The following GALNT13 variants were observed in gnomAD, a reference collection of about 807,000 sequenced individuals.
GALNT13 encodes UDP-GalNAc:polypeptide N-acetylgalactosaminyltransferase 13.
In GALNT13, 28 loss-of-function variants were observed where a neutral mutation model predicts 64.2. That is an observed-to-expected ratio of 0.44 (90% CI 0.32 to 0.60). The LOEUF (loss-of-function observed/expected upper bound fraction) is 0.60, where lower values mean the gene tolerates loss of function less well. GALNT13 is among the 20% of genes least tolerant of loss of function. The pLI is 0.05. For missense variants in GALNT13, 577 were observed against 669.8 expected, an observed-to-expected ratio of 0.86 and a Z score of 1.53; for synonymous variants, 214 against 224.6, an observed-to-expected ratio of 0.95 and a Z score of 0.42.
At chr2:153,534,518 C>CTTTTTTTTTTTTTT in the GALNT13 span, among the ~76,000 whole-genome samples, 1 of 123,776 alleles carries the variant, frequency 8.1e-6, no homozygotes, top group Non-Finnish European at 1.6e-5. Flanking sequence ...GCCCCTCTTT[C>CTTTTTTTTTTTTTT]TTTCTTTCTT....
At chr2:153,958,485 G>C (rs1355169534) in intron 3 of GALNT13, among the ~76,000 whole-genome samples, 1 of 152,042 alleles carries the variant, frequency 6.6e-6, no homozygotes, top group Non-Finnish European at 1.5e-5. Flanking sequence ...ACTTTGTGTC[G>C]AACGCAAATA....
intron 4 of GALNT13, among the ~76,000 whole-genome samples, chr2:154,235,124 C>T (rs1349169476): frequency 6.6e-6 from 1 of 152,006 alleles, no homozygotes; most frequent in East Asian, 1.9e-4. Context: ...ACATCCTGCC[C>T]AATGACCCTC....
chr2:153,305,019 A>C, the GALNT13 span, among the ~76,000 whole-genome samples: 21 of 152,274 alleles, frequency 1.4e-4, no homozygotes, highest in African/African-American at 5.1e-4. Flanking sequence ...CAGTTTTGGA[A>C]AAATATAATT....
the GALNT13 span, among the ~76,000 whole-genome samples, chr2:153,386,214 A>G: frequency 6.6e-6 from 1 of 152,088 alleles, no homozygotes; most frequent in Admixed American, 6.6e-5. Flanking sequence ...AAGAAAATCA[A>G]TCTTAAACTA....
the GALNT13 span, among the ~76,000 whole-genome samples, chr2:153,691,867 A>G: frequency 6.6e-6 from 1 of 152,138 alleles, no homozygotes; most frequent in Non-Finnish European, 1.5e-5. Context: ...AAAAAATTTT[A>G]TTCCTGGGAA....
chr2:154,200,568 G>C lies in GALNT13; in HGVS notation c.312-41462G>C, dbSNP rs376214353. On this transcript the variant is annotated intron_variant, in intron 4 of 12. Coordinates refer to ENST00000392825, the MANE Select transcript of GALNT13 (RefSeq NM_052917.4). ...GGTTCAATGTCTTGTGAAGGTCCTG[G>C]TCTCCACTTTCAAGATGGCAGCTTG... Among the ~76,000 whole-genome samples, 11 of 152,252 alleles carry C rather than the reference G, an allele frequency of 7.2e-5. No individual in the cohort carries two copies. The East Asian group carries it at 2.1e-3, about 29-fold the overall frequency.
At chr2:154,027,475 C>G (rs1428279954) in intron 3 of GALNT13, among the ~76,000 whole-genome samples, 1 of 152,048 alleles carries the variant, frequency 6.6e-6, no homozygotes, top group African/African-American at 2.4e-5. Flanking sequence ...CAACATATAC[C>G]TAATTAATGA....
At chr2:154,282,748 G>A (rs923733999) in intron 8 of GALNT13, among the ~76,000 whole-genome samples, 4 of 152,046 alleles carry the variant, frequency 2.6e-5, no homozygotes, top group African/African-American at 4.8e-5. Context: ...AGAATCCTCA[G>A]GTGTGCTGAA....
At chr2:153,098,594 T>G in the GALNT13 span, among the ~76,000 whole-genome samples, 1 of 152,232 alleles carries the variant, frequency 6.6e-6, no homozygotes, top group African/African-American at 2.4e-5. Context: ...AAATCACATT[T>G]GTGAGATTCA....
the GALNT13 span, among the ~76,000 whole-genome samples, chr2:153,766,514 T>A: frequency 6.6e-6 from 1 of 152,176 alleles, no homozygotes; most frequent in Non-Finnish European, 1.5e-5. Context: ...GGCCTCTTGA[T>A]GATGTTCAGT....
rs1202687837 is a variant in GALNT13 at position 154,417,509 on chromosome 2, A to ATTTTTTTTT, written c.1395+8430_1395+8431insTTTTTTTTT. Among the ~76,000 whole-genome samples, 96 of 133,440 alleles carry ATTTTTTTTT rather than the reference A, an allele frequency of 7.2e-4. 2 individuals carry two copies. The East Asian group carries it at 8.9e-3, about 12-fold the overall frequency. The allele number at this position is 133,440 out of a possible 152,430, so 87.5% of individuals were successfully genotyped here. ...CATGCTTTTATTTATTTATTTATTTATTTATTTATTTATTTTTTTGAGGCG... is the reference window on the plus strand; with the variant it reads ...CATGCTTTTATTTATTTATTTATTTATTTTTTTTTTTTATTTATTTATTTTTTTGAGGCG... On this transcript the variant is annotated intron_variant, in intron 11 of 12. Transcript: ENST00000392825.
At chr2:154,043,982 A>G (rs1699150938) in intron 3 of GALNT13, among the ~76,000 whole-genome samples, 1 of 152,066 alleles carries the variant, frequency 6.6e-6, no homozygotes, top group Non-Finnish European at 1.5e-5. Flanking sequence ...CTGAGGCAGA[A>G]TATCACTTGA....
the GALNT13 span, among the ~76,000 whole-genome samples, chr2:153,741,237 T>C: frequency 6.6e-6 from 1 of 152,062 alleles, no homozygotes; most frequent in African/African-American, 2.4e-5. Flanking sequence ...ATACTATCTG[T>C]ATTTTCTATC....
chr2:154,401,826 C>T (rs1055894000), intron 10 of GALNT13, among the ~76,000 whole-genome samples: 2 of 152,076 alleles, frequency 1.3e-5, no homozygotes, highest in African/African-American at 4.8e-5. Flanking sequence ...TATCAGATAA[C>T]AATAATTTTT....
chr2:153,705,384 G>C, the GALNT13 span, among the ~76,000 whole-genome samples: 1 of 150,226 alleles, frequency 6.7e-6, no homozygotes, highest in Non-Finnish European at 1.5e-5. Flanking sequence ...CATTGATGGA[G>C]GTACCACTGT....
At chr2:153,103,795 G>A in the GALNT13 span, among the ~76,000 whole-genome samples, 1 of 152,326 alleles carries the variant, frequency 6.6e-6, no homozygotes, top group Non-Finnish European at 1.5e-5. Context: ...TACCTAGATT[G>A]TGTTTGGGAG....
the GALNT13 span, among the ~76,000 whole-genome samples, chr2:153,630,763 A>G: frequency 4.9e-5 from 1 of 20,282 alleles, no homozygotes; most frequent in Non-Finnish European, 8.0e-5. Flanking sequence ...TTTAGGCTTC[A>G]TATATATATA....
chr2:153,721,184 AC>A, the GALNT13 span, among the ~76,000 whole-genome samples: 1 of 149,076 alleles, frequency 6.7e-6, no homozygotes, highest in Non-Finnish European at 1.5e-5. Context: ...AGAATTTTCA[AC>A]CCAGAATTTC....
chr2:153,889,807 G>A lies in GALNT13; in HGVS notation c.-176-11129G>A, dbSNP rs1043296482. Among the ~76,000 whole-genome samples the A allele has an allele frequency of 2.4e-4, 37 of 152,106 alleles. 1 individual carries two copies. Among genetic ancestry groups the A allele is most frequent in the African/African-American group, 7.9e-4 (33 of 41,520 alleles). ...AGATCTACATAGTTTAAGGCACTAT[G>A]TAAATGCAAGATCAGGCACTTCCAA... On this transcript the variant is annotated intron_variant, in intron 1 of 12. Coordinates refer to ENST00000392825, the MANE Select transcript of GALNT13 (RefSeq NM_052917.4).
Sources: gnomAD v4.1 joint callset for allele counts (sites outside exome capture counted in the v4.1 genomes callset) on GRCh38, gnomAD v4.1.1 for gene constraint, MANE v1.5 for transcripts, NCBI Gene and HGNC (gene_info 2026-07-23, HGNC 2026-07-21) for gene names.